NOS2: variants seen among roughly 807,000 people sequenced by gnomAD.
The protein encoded by NOS2 is nitric oxide synthase, inducible.
NOS2 carries 96 observed loss-of-function variants against 136.0 expected under a neutral mutation model. The ratio of observed to expected loss-of-function variants is 0.71; its 90% CI spans 0.60 to 0.84. NOS2 has a LOEUF of 0.84. NOS2 is among the 40% of genes least tolerant of loss of function. The probability of loss-of-function intolerance (pLI) is 0.00; values close to 1 mark genes in which losing one functional copy is unlikely to be tolerated. For missense variants in NOS2, 1,237 were observed against 1,496.9 expected (o/e 0.83, Z 2.87); for synonymous variants, 539 against 587.5 (o/e 0.92, Z 1.20).
chr17:27,792,816 A>C (rs1183251458), intron 2 of NOS2, among the ~76,000 whole-genome samples: 1 of 27,566 alleles, frequency 3.6e-5, no homozygotes, highest in Admixed American at 4.3e-4. Flanking sequence ...CTATCTCTAC[A>C]AAAAAAAAAA....
intron 14 of NOS2, among the ~76,000 whole-genome samples, chr17:27,771,752 C>T (rs1437086360): frequency 6.6e-6 from 1 of 152,154 alleles, no homozygotes; most frequent in Non-Finnish European, 1.5e-5. Context: ...GCCTGCTTTG[C>T]AGGGCGCTGG....
Position 27,772,380 on chromosome 17 carries a change from C to A in NOS2, c.1632G>T (p.Ala544=). The part of the protein sequence containing the change: ...ASRVRVTILF[A]TETGKSEALA... ...GCGCCTCTGATTTTCCTGTCTCTGTCGCAAAGAGGATGGTGACTCTGACTC... is the reference window on the plus strand; with the variant it reads ...GCGCCTCTGATTTTCCTGTCTCTGTAGCAAAGAGGATGGTGACTCTGACTC... The change falls in exon 14 of 27, where the codon GCG becomes GCT. Residue 544 remains alanine (A), a synonymous_variant. Coordinates refer to ENST00000313735, the MANE Select transcript of NOS2 (RefSeq NM_000625.4). 6.2e-7 allele frequency: 1 copy of A among 1,614,110 alleles called. No homozygotes were observed. Among genetic ancestry groups the A allele is most frequent in the East Asian group, 2.2e-5 (1 of 44,884 alleles).
Position 27,759,268 on chromosome 17 carries a change from A to G in NOS2, c.3160-193T>C, listed in dbSNP as rs556113799. 4.6e-5 allele frequency among the ~76,000 whole-genome samples: 7 copies of G among 152,244 alleles called. No individual in the cohort carries two copies. In the South Asian group the frequency reaches 6.2e-4, roughly 14 times the overall value. ...ATGCCCCTGGGGCTCGGCTGGGATT[A>G]GAGAGATAAATGCTGGACACAGTCC... On this transcript the variant is annotated intron_variant, in intron 25 of 26. Transcript: ENST00000313735.
At position 27,760,634 on chromosome 17, in the gene NOS2, G is replaced by C. The variant is rs1908090660; in HGVS notation, c.2999C>G (p.Ser1000Cys). 2 of 1,553,750 alleles carry C rather than the reference G, an allele frequency of 1.3e-6. No homozygotes were observed. Among genetic ancestry groups the C allele is most frequent in the Admixed American group, 1.9e-5 (1 of 51,326 alleles). ...RSFWQQRLHDSQHKGVRGGRM... is the reference protein window; with the variant it reads ...RSFWQQRLHDCQHKGVRGGRM... ...GCCTCCAGCCTTACCCTTGTGCTGGGAGTCATGGAGCCGTTGCTGCCAGAA... is the reference window on the plus strand; with the variant it reads ...GCCTCCAGCCTTACCCTTGTGCTGGCAGTCATGGAGCCGTTGCTGCCAGAA... The change falls in exon 24 of 27, where the codon TCC (serine) becomes TGC (cysteine). Residue 1000 changes from serine (S) to cysteine (C), a missense_variant. Physicochemically the swap from Ser to Cys is moderately radical, Grantham distance 112. This residue lies in a region of NOS2 where 782 missense variants were observed against 909.9 expected (regional missense o/e 0.86). Coordinates refer to ENST00000313735, the MANE Select transcript of NOS2 (RefSeq NM_000625.4).
chr17:27,787,422 A>G (rs1055053199), intron 5 of NOS2, among the ~76,000 whole-genome samples: 1 of 152,318 alleles, frequency 6.6e-6, no homozygotes, highest in African/African-American at 2.4e-5. Context: ...GTTCAGACAC[A>G]ATGCGGGAGC....
chr17:27,797,630 TG>T (rs28998804), intron 2 of NOS2, among the ~76,000 whole-genome samples: 15 of 152,338 alleles, frequency 9.8e-5, no homozygotes, highest in African/African-American at 3.6e-4. Context: ...AAGGCTCCTC[TG>T]GGGCGGTGGG....
Position 27,767,825 on chromosome 17 carries a change from T to G in NOS2, c.2047A>C (p.Thr683Pro). Residue 683 changes from threonine (T) to proline (P), a missense_variant, in exon 18 of 27, where the codon ACG (threonine) becomes CCG (proline). Around this residue, in one of 3 missense-constraint regions of NOS2, gnomAD observed 782 missense variants for 909.9 expected, o/e 0.86. Transcript: ENST00000313735. ...TGCTGTTTGCCTCGGACATCAAACGTCTCACAGGCTGCCTGGAAGAAGGTG... is the reference window on the plus strand; with the variant it reads ...TGCTGTTTGCCTCGGACATCAAACGGCTCACAGGCTGCCTGGAAGAAGGTG... ...AVQTFKAACE[T>P]FDVRGKQHIQ... is the part of the protein sequence containing the mutation. The G allele has an allele frequency of 6.2e-7, 1 of 1,611,682 alleles. No homozygotes were observed. Among genetic ancestry groups the G allele is most frequent in the East Asian group, 2.2e-5 (1 of 44,874 alleles).
At chr17:27,788,952 G>A (rs1292322631) in intron 3 of NOS2, 21 bp from the exon 4 acceptor site, 4 of 1,612,168 alleles carry the variant, frequency 2.5e-6, no homozygotes, top group East Asian at 4.5e-5. Context: ...AAAAAACAGG[G>A]TTTTCTCTCA....
intron 18 of NOS2, among the ~76,000 whole-genome samples, chr17:27,767,327 A>T (rs1328140715): frequency 1.3e-5 from 2 of 152,178 alleles, no homozygotes; most frequent in African/African-American, 4.8e-5. Context: ...TGGGGCTCAG[A>T]CCCCAACATG....
intron 1 of NOS2, among the ~76,000 whole-genome samples, chr17:27,799,614 C>T (rs529497390): frequency 6.6e-6 from 1 of 152,258 alleles, no homozygotes; most frequent in South Asian, 2.1e-4. Flanking sequence ...GAGACCGAGG[C>T]AGGAGGATCG....
In NOS2 at chr17:27,787,255, TATTA is replaced by T. The variant is rs529358385; in HGVS notation, c.467+419_467+422del. Among the ~76,000 whole-genome samples, 19 of 152,268 alleles carry T rather than the reference TATTA, an allele frequency of 1.2e-4. 1 individual carries two copies. In the East Asian group the frequency reaches 3.7e-3, roughly 29 times the overall value. ...AAACATTTCATAATTAAAGGGTCCA[TATTA>T]ATTCACAATCAAGGTCTCTGGATGC... On this transcript the variant is annotated intron_variant, in intron 5 of 26. Transcript: ENST00000313735.
intron 5 of NOS2, among the ~76,000 whole-genome samples, chr17:27,786,928 CA>C (rs937211053): frequency 6.6e-6 from 1 of 152,204 alleles, no homozygotes; most frequent in African/African-American, 2.4e-5. Flanking sequence ...GTGTCTGACA[CA>C]AGGCTGAGGC....
chr17:27,786,077 G>A (rs1909013766), intron 5 of NOS2, among the ~76,000 whole-genome samples: 1 of 151,522 alleles, frequency 6.6e-6, no homozygotes, highest in Non-Finnish European at 1.5e-5. Flanking sequence ...GTGGTGCAGT[G>A]CTGTGTGAGG....
Position 27,774,324 on chromosome 17 carries a change from C to G in NOS2, c.1409G>C (p.Gly470Ala). 2 of 1,581,910 alleles carry G rather than the reference C, an allele frequency of 1.3e-6. No homozygotes were observed. Among genetic ancestry groups the G allele is most frequent in the Non-Finnish European group, 1.7e-6 (2 of 1,164,580 alleles). The change falls in exon 12 of 27, where the codon GGG becomes GCG. Residue 470 changes from glycine to alanine, a missense_variant. By Grantham distance (60) the Gly-to-Ala change is moderately conservative. Coordinates refer to ENST00000313735, the MANE Select transcript of NOS2 (RefSeq NM_000625.4). ...DWIWLVPPMS[G>A]SITPVFHQEM... is the part of the protein sequence containing the mutation. ...CTGGTGAAACACGGGGGTGATGCTC[C>G]CAGACATGGGAGGGACCAGCCAAAT...
At chr17:27,759,994 T>C in intron 25 of NOS2, 36 bp downstream of exon 25, 3 of 1,464,286 alleles carry the variant, frequency 2.0e-6, no homozygotes, top group Non-Finnish European at 2.7e-6. Context: ...GGAGCTTGTG[T>C]GTGTAATGCT....
At chr17:27,763,247 G>T (rs1294947601) in intron 21 of NOS2, among the ~76,000 whole-genome samples, 2 of 152,144 alleles carry the variant, frequency 1.3e-5, no homozygotes, top group Non-Finnish European at 2.9e-5. Context: ...CATGGGCAGG[G>T]GTCAAATCTT....
intron 17 of NOS2, among the ~76,000 whole-genome samples, chr17:27,768,311 A>G (rs561567382): frequency 1.6e-4 from 25 of 152,304 alleles, no homozygotes; most frequent in African/African-American, 6.0e-4. Flanking sequence ...TCAGCCTCCT[A>G]AAGTGCTTGG....
Position 27,780,854 on chromosome 17 carries a change from G to A in NOS2, c.917C>T (p.Pro306Leu). 6.2e-7 allele frequency: 1 copy of A among 1,614,166 alleles called. No individual in the cohort carries two copies. The highest frequency in any genetic ancestry group is 8.5e-7 in the Non-Finnish European group (1 of 1,180,018). The part of the protein sequence containing the change: ...KPKYGRFDVV[P>L]LVLQANGRDP... ...ACGGCCATTGGCCTGCAGGACCAGG[G>A]GGACCACATCGAAGCGGCCGTACTT... The change falls in exon 9 of 27, where the codon CCC becomes CTC. Residue 306 changes from proline (P) to leucine (L), a missense_variant. Pro to Leu is a moderately conservative substitution (Grantham distance 98). This residue lies in a region of NOS2 where 440 missense variants were observed against 545.4 expected (regional missense o/e 0.81). Transcript: ENST00000313735.
rs370898777 is a variant in NOS2 at position 27,798,847 on chromosome 17, A to T, written c.-38T>A. 15 of 1,291,820 alleles carry T rather than the reference A, an allele frequency of 1.2e-5. No individual in the cohort carries two copies. Among genetic ancestry groups the T allele is most frequent in the Non-Finnish European group, 1.6e-5 (14 of 885,988 alleles). The allele number at this position is 1,291,820 out of a possible 1,614,324, so 80.0% of individuals were successfully genotyped here. On this transcript the variant is annotated 5_prime_UTR_variant, in exon 2 of 27. Coordinates refer to ENST00000313735, the MANE Select transcript of NOS2 (RefSeq NM_000625.4). ...ACAAAGCAGGTCACTTATGTCACTT[A>T]TCTGGATTTGAGCTCAGATGTTCTT...
Sources: gnomAD v4.1 joint callset for allele counts (sites outside exome capture counted in the v4.1 genomes callset) on GRCh38, gnomAD v4.1.1 for gene constraint, gnomAD v4.1.1 regional missense constraint, MANE v1.5 for transcripts, NCBI Gene and HGNC (gene_info 2026-07-23, HGNC 2026-07-21) for gene names.